Variants in HS3ST5 observed in about 807,000 individuals in gnomAD.
The protein encoded by HS3ST5 is heparan sulfate-glucosamine 3-sulfotransferase 5, also known as heparan sulfate glucosamine 3-O-sulfotransferase 5.
In HS3ST5, 10 loss-of-function variants were observed where a neutral mutation model predicts 25.4. The observed-to-expected ratio is 0.39, with a 90% CI of 0.24 to 0.67. HS3ST5 has a LOEUF of 0.67. HS3ST5 is among the 30% of genes least tolerant of loss of function. The pLI is 0.44. For missense variants in HS3ST5, 324 were observed against 420.7 expected (o/e 0.77, Z 2.01); for synonymous variants, 170 against 162.4 (o/e 1.05, Z -0.36).
Position 114,295,808 on chromosome 6 carries a change from G to C in HS3ST5, c.-339+46387C>G, listed in dbSNP as rs187182160. Among the ~76,000 whole-genome samples the C allele has an allele frequency of 7.9e-5, 12 of 152,258 alleles. No individual in the cohort carries two copies. In the East Asian group the frequency reaches 1.5e-3, roughly 20 times the overall value. On this transcript the variant is annotated intron_variant, in intron 1 of 4. Coordinates refer to ENST00000312719, the MANE Select transcript of HS3ST5 (RefSeq NM_153612.4). ...TGAAATGATTGCTTTGAGACTGCCA[G>C]ACCATATCCAAGTGGCTTCTTCACA...
chr6:114,262,537 A>G (rs1288497207), intron 1 of HS3ST5, among the ~76,000 whole-genome samples: 33 of 149,984 alleles, frequency 2.2e-4, no homozygotes, highest in Admixed American at 2.2e-3. Context: ...ACAGTGCGAG[A>G]CTCTGTCTCA....
intron 3 of HS3ST5, among the ~76,000 whole-genome samples, chr6:114,154,337 G>A (rs1019517144): frequency 2.0e-5 from 3 of 152,072 alleles, no homozygotes; most frequent in Admixed American, 2.0e-4. Context: ...GCTGAAAAGG[G>A]AACCCAAAAG....
intron 1 of HS3ST5, among the ~76,000 whole-genome samples, chr6:114,234,022 A>T (rs958530406): frequency 3.9e-5 from 6 of 152,212 alleles, no homozygotes; most frequent in Non-Finnish European, 8.8e-5. Context: ...TGTTAGCTGT[A>T]GCCAGATAAT....
chr6:114,076,590 A>G (rs1395763449), intron 3 of HS3ST5, among the ~76,000 whole-genome samples: 1 of 152,238 alleles, frequency 6.6e-6, no homozygotes, highest in African/African-American at 2.4e-5. Flanking sequence ...GATTCTACTG[A>G]TGAGCTTTCA....
chr6:114,205,280 G>A (rs1277309988), intron 2 of HS3ST5, among the ~76,000 whole-genome samples: 1 of 152,014 alleles, frequency 6.6e-6, no homozygotes, highest in Non-Finnish European at 1.5e-5. Flanking sequence ...CAGCCTATTA[G>A]GTATAATTAT....
At chr6:114,167,696 C>T (rs1460983982) in intron 3 of HS3ST5, 1 of 152,116 alleles carries the variant, frequency 6.6e-6, no homozygotes, top group African/African-American at 2.4e-5. Flanking sequence ...TACAAAAACA[C>T]AACAGATCCT....
At chr6:114,140,551 T>C (rs1294603643) in intron 3 of HS3ST5, among the ~76,000 whole-genome samples, 2 of 152,140 alleles carry the variant, frequency 1.3e-5, no homozygotes, top group Non-Finnish European at 2.9e-5. Flanking sequence ...CTAAGATCAT[T>C]TGTATAATAA....
chr6:114,201,166 G>C (rs1340456460), intron 2 of HS3ST5, among the ~76,000 whole-genome samples: 1 of 152,116 alleles, frequency 6.6e-6, no homozygotes, highest in Non-Finnish European at 1.5e-5. Context: ...TACTAAATTT[G>C]ATCTTTCTCC....
At chr6:114,084,528 C>A in intron 3 of HS3ST5, 1 of 759,220 alleles carries the variant, frequency 1.3e-6, no homozygotes, top group Non-Finnish European at 2.4e-6. Context: ...GAGCCGGCGT[C>A]CACCGCATCA....
intron 3 of HS3ST5, among the ~76,000 whole-genome samples, chr6:114,161,535 ATAT>A (rs1466219291): frequency 4.0e-5 from 2 of 49,964 alleles, no homozygotes; most frequent in East Asian, 7.5e-4. Flanking sequence ...ATATATATAT[ATAT>A]ATATATATAT....
At chr6:114,335,017 G>C (rs1290499543) in intron 1 of HS3ST5, among the ~76,000 whole-genome samples, 5 of 152,136 alleles carry the variant, frequency 3.3e-5, no homozygotes, top group Non-Finnish European at 7.4e-5. Flanking sequence ...AAAGTAGGGA[G>C]GCATGGGTTT....
intron 3 of HS3ST5, among the ~76,000 whole-genome samples, chr6:114,157,178 G>C (rs1223147678): frequency 6.6e-6 from 1 of 151,992 alleles, no homozygotes; most frequent in Non-Finnish European, 1.5e-5. Context: ...ATTTCCGAGT[G>C]TGATACTTTC....
rs188039126 is a variant in HS3ST5, at chr6:114,335,304, T to G, written c.-339+6891A>C. 3.6e-3 allele frequency among the ~76,000 whole-genome samples: 512 copies of G among 140,884 alleles called. 4 individuals are homozygous for G. Among genetic ancestry groups the G allele is most frequent in the African/African-American group, 0.014 (492 of 34,590 alleles). 92.4% of individuals were successfully genotyped at this position (140,884 alleles called of 152,430 possible). A position where few individuals can be genotyped will look rare whatever the true frequency, so the allele number is the denominator to read the frequency against. ...ATATCAACTACCAGAATTAAATGAG[T>G]GGCAAAAAAAAAAAAAAAATCTAAG... On this transcript the variant is annotated intron_variant, in intron 1 of 4. Transcript: ENST00000312719.
intron 2 of HS3ST5, among the ~76,000 whole-genome samples, chr6:114,193,301 T>A (rs561466123): frequency 1.0e-3 from 155 of 152,276 alleles, no homozygotes; most frequent in Non-Finnish European, 1.8e-3. Flanking sequence ...ATAATTCTGC[T>A]TAGAAAAGTC....
At chr6:114,130,815 C>T (rs1190409247) in intron 3 of HS3ST5, among the ~76,000 whole-genome samples, 2 of 152,154 alleles carry the variant, frequency 1.3e-5, no homozygotes, top group African/African-American at 2.4e-5. Flanking sequence ...GTGATCCGCC[C>T]ACCTTGGCCT....
At chr6:114,129,295 G>T (rs925812731) in intron 3 of HS3ST5, among the ~76,000 whole-genome samples, 10 of 111,994 alleles carry the variant, frequency 8.9e-5, no homozygotes, top group African/African-American at 3.5e-4. Flanking sequence ...TTGCTCTGTT[G>T]CCCAGGCTGC....
chr6:114,216,374 A>C (rs1184680639), intron 2 of HS3ST5, among the ~76,000 whole-genome samples: 1 of 152,252 alleles, frequency 6.6e-6, no homozygotes, highest in Non-Finnish European at 1.5e-5. Context: ...AACTTCAGTT[A>C]TGATACAGGC....
At chr6:114,106,837 C>G (rs935063497) in intron 3 of HS3ST5, among the ~76,000 whole-genome samples, 3 of 152,042 alleles carry the variant, frequency 2.0e-5, no homozygotes, top group Non-Finnish European at 2.9e-5. Context: ...AATATTAGTT[C>G]TATTGGAGAA....
At chr6:114,254,837 T>G (rs1452448594) in intron 1 of HS3ST5, among the ~76,000 whole-genome samples, 1 of 152,174 alleles carries the variant, frequency 6.6e-6, no homozygotes, top group Non-Finnish European at 1.5e-5. Context: ...TATCTCCCAC[T>G]GGATCCCTCC....
Sources: allele counts gnomAD v4.1 joint callset (sites outside exome capture counted in the v4.1 genomes callset), GRCh38; gene constraint gnomAD v4.1.1; transcripts MANE v1.5; gene names NCBI Gene and HGNC (gene_info 2026-07-23, HGNC 2026-07-21).